SNAP91: variants seen among roughly 807,000 people sequenced by gnomAD.
SNAP91 encodes the protein synaptosome associated protein 91, also known as clathrin coat assembly protein AP180.
Under a neutral mutation model 100.3 loss-of-function variants are expected in SNAP91, and 27 were observed. The observed-to-expected ratio is 0.27, with a 90% CI of 0.20 to 0.37. The LOEUF (loss-of-function observed/expected upper bound fraction) is 0.37, where lower values mean the gene tolerates loss of function less well. Among genes scored for constraint, SNAP91 ranks in the 10% least tolerant of loss-of-function variants. SNAP91 has a pLI of 1.00. For missense variants in SNAP91, 986 were observed against 1,123.7 expected, an observed-to-expected ratio of 0.88 and a Z score of 1.75; for synonymous variants, 404 against 398.6, an observed-to-expected ratio of 1.01 and a Z score of -0.16.
chr6:83,571,857 A>G (rs557289165), intron 26 of SNAP91, among the ~76,000 whole-genome samples: 3 of 152,230 alleles, frequency 2.0e-5, no homozygotes, highest in African/African-American at 4.8e-5. Context: ...GAAGGATGCA[A>G]TGGGAGGTAA....
At chr6:83,625,158 G>A (rs1297031302) in intron 8 of SNAP91, among the ~76,000 whole-genome samples, 1 of 152,054 alleles carries the variant, frequency 6.6e-6, no homozygotes, top group African/African-American at 2.4e-5. Context: ...TTCTGTTTCT[G>A]CATTAGTTCA....
rs373030584 is a variant in SNAP91, at chr6:83,601,316, T to C, written c.1279A>G (p.Thr427Ala). 28 of 1,613,416 alleles carry C rather than the reference T, an allele frequency of 1.7e-5. No homozygotes were observed. The highest frequency in any genetic ancestry group is 1.2e-4 in the Admixed American group (7 of 59,868). ...GCAGTGACAGCAGTAACAGTTGTAG[T>C]AGTGGAGGCAGAAGCTGAGGCAGTT... ...IATASASAST[T>A]TTVTAVTAEV... The change falls in exon 16 of 30, where the codon ACT becomes GCT. Residue 427 changes from threonine to alanine, a missense_variant. By Grantham distance (58) the Thr-to-Ala change is moderately conservative. Transcript: ENST00000369694.
intron 7 of SNAP91, among the ~76,000 whole-genome samples, chr6:83,647,056 T>C (rs2097950861): frequency 6.7e-6 from 1 of 149,498 alleles, no homozygotes; most frequent in South Asian, 2.1e-4. Flanking sequence ...AACCTTGCTA[T>C]AATTGCTTAT....
chr6:83,569,825 T>C lies in SNAP91; in HGVS notation c.2442+5185A>G, dbSNP rs143021491. The stretch of plus-strand genomic sequence containing the variant: ...CAAGCGCTCTCTTTGCCTGCTGTCA[T>C]CCATGTAAGATGTGACTTGCTCCTC... On this transcript the variant is annotated intron_variant, in intron 26 of 29. Transcript: ENST00000369694. 6.8e-3 allele frequency among the ~76,000 whole-genome samples: 1,035 copies of C among 152,302 alleles called. 4 individuals carry two copies. Among genetic ancestry groups the C allele is most frequent in the South Asian group, 0.014 (69 of 4,820 alleles).
intron 2 of SNAP91, among the ~76,000 whole-genome samples, chr6:83,692,603 T>G (rs12525261): frequency 0.21 from 32,433 of 152,040 alleles, 4,273 homozygotes; most frequent in East Asian, 0.4. Flanking sequence ...ATTAAATTAA[T>G]GTAGCTAAGA....
At chr6:83,638,489 T>C (rs1159926927) in intron 8 of SNAP91, among the ~76,000 whole-genome samples, 3 of 152,188 alleles carry the variant, frequency 2.0e-5, no homozygotes, top group Middle Eastern at 3.2e-3. Context: ...TTAAAGCAAC[T>C]GCATTGTTTA....
At chr6:83,604,131 G>C (rs1480285340) in intron 14 of SNAP91, among the ~76,000 whole-genome samples, 3 of 152,058 alleles carry the variant, frequency 2.0e-5, no homozygotes, top group African/African-American at 7.2e-5. Context: ...ATATGGAAAA[G>C]GGACTAGTTT....
intron 2 of SNAP91, among the ~76,000 whole-genome samples, chr6:83,672,645 T>C (rs572417636): frequency 2.0e-5 from 3 of 152,264 alleles, no homozygotes; most frequent in Admixed American, 6.5e-5. Context: ...TAAAAGACAC[T>C]TAGTAAATGA....
At chr6:83,678,351 C>A (rs1021755148) in intron 2 of SNAP91, among the ~76,000 whole-genome samples, 2 of 152,120 alleles carry the variant, frequency 1.3e-5, no homozygotes, top group Admixed American at 6.6e-5. Context: ...TCACTTCCTA[C>A]TCTATCCTCA....
intron 2 of SNAP91, among the ~76,000 whole-genome samples, chr6:83,671,980 A>G (rs577845720): frequency 6.6e-6 from 1 of 152,176 alleles, no homozygotes; most frequent in South Asian, 2.1e-4. Flanking sequence ...TTCTGATCAT[A>G]GCTGTCACTT....
intron 26 of SNAP91, among the ~76,000 whole-genome samples, chr6:83,573,584 G>A (rs1283184995): frequency 6.6e-6 from 1 of 152,098 alleles, no homozygotes; most frequent in Non-Finnish European, 1.5e-5. Context: ...AAACAGCATG[G>A]TACTGGTACC....
At chr6:83,675,321 T>G (rs1223063264) in intron 2 of SNAP91, among the ~76,000 whole-genome samples, 1 of 152,226 alleles carries the variant, frequency 6.6e-6, no homozygotes, top group Non-Finnish European at 1.5e-5. Flanking sequence ...TTACTTTAGT[T>G]GATACAGCTG....
Position 83,593,182 on chromosome 6 carries a change from C to T in SNAP91, c.1774G>A (p.Asp592Asn). ...AAPSIDLFSTDAFSSPPQGAS... is the reference protein window; with the variant it reads ...AAPSIDLFSTNAFSSPPQGAS... ...AAAAAAAGGGTTGCTTTGGTTTTAC[C>T]TGTACTAAACAGGTCTATGCTAGGA... Residue 592 changes from aspartate (D) to asparagine (N), a missense_variant and splice_region_variant, in exon 19 of 30, where the codon GAT becomes AAT. By Grantham distance (23) the Asp-to-Asn change is conservative. Coordinates refer to ENST00000369694, the MANE Select transcript of SNAP91 (RefSeq NM_001242792.2). 6.3e-7 allele frequency: 1 copy of T among 1,585,176 alleles called. No homozygotes were observed. The highest frequency in any genetic ancestry group is 1.2e-5 in the South Asian group (1 of 86,382).
intron 16 of SNAP91, among the ~76,000 whole-genome samples, chr6:83,597,432 AGTTATTT>A (rs1457561432): frequency 5.3e-5 from 8 of 152,334 alleles, no homozygotes; most frequent in African/African-American, 1.9e-4. Context: ...TGCAAACTAA[AGTTATTT>A]CCAGTTCAGC....
intron 12 of SNAP91, among the ~76,000 whole-genome samples, chr6:83,608,459 G>T (rs986505161): frequency 2.6e-5 from 4 of 151,978 alleles, no homozygotes; most frequent in African/African-American, 9.7e-5. Flanking sequence ...TTTTTATTTA[G>T]TTACTGTAAC....
rs1482919176 is a variant in SNAP91, at chr6:83,618,997, CAAAACAAAACAAAACAAA to C, written c.808-1976_808-1959del. 2.8e-5 allele frequency among the ~76,000 whole-genome samples: 4 copies of C among 142,914 alleles called. No individual in the cohort carries two copies. The South Asian group carries it at 6.3e-4, about 22-fold the overall frequency. 93.8% of individuals were successfully genotyped at this position (142,914 alleles called of 152,430 possible). A position where few individuals can be genotyped will look rare whatever the true frequency, so the allele number is the denominator to read the frequency against. On this transcript the variant is annotated intron_variant, in intron 9 of 29. Transcript: ENST00000369694. ...TATTAAGTTTCTTAGTTACCTAAAA[CAAAACAAAACAAAACAAA>C]AAAACAAAACAAAAAACCCAGGAAG...
chr6:83,557,436 G>A (rs1234005886), intron 28 of SNAP91, among the ~76,000 whole-genome samples: 8 of 151,998 alleles, frequency 5.3e-5, no homozygotes. Flanking sequence ...GGGAGGCCGA[G>A]GCAGGAGGAT....
intron 2 of SNAP91, among the ~76,000 whole-genome samples, chr6:83,670,380 C>G (rs2098762093): frequency 6.6e-6 from 1 of 151,118 alleles, no homozygotes; most frequent in Admixed American, 6.6e-5. Context: ...CATTGGTATA[C>G]ATTCTTTTCC....
chr6:83,659,951 G>A (rs1015614783), intron 5 of SNAP91, among the ~76,000 whole-genome samples: 1 of 152,196 alleles, frequency 6.6e-6, no homozygotes, highest in Admixed American at 6.5e-5. Context: ...TGATGTCGGA[G>A]GGTGCACTGC....
Sources: allele counts gnomAD v4.1 joint callset (sites outside exome capture counted in the v4.1 genomes callset), GRCh38; gene constraint gnomAD v4.1.1; transcripts MANE v1.5; gene names NCBI Gene and HGNC (gene_info 2026-07-23, HGNC 2026-07-21).